PPP4R2: variants seen among roughly 807,000 people sequenced by gnomAD.
The protein encoded by PPP4R2 is serine/threonine-protein phosphatase 4 regulatory subunit 2.
PPP4R2 carries 13 observed loss-of-function variants against 47.2 expected under a neutral mutation model. The ratio of observed to expected loss-of-function variants is 0.28; its 90% CI spans 0.18 to 0.44. PPP4R2 has a LOEUF of 0.44. Ranked by LOEUF, PPP4R2 falls within the 20% of genes least tolerant of loss-of-function variation. The probability of loss-of-function intolerance (pLI) is 1.00; values close to 1 mark genes in which losing one functional copy is unlikely to be tolerated. For missense variants in PPP4R2, 421 were observed against 491.2 expected (o/e 0.86, Z 1.35); for synonymous variants, 151 against 163.3 (o/e 0.92, Z 0.57).
intron 2 of PPP4R2, among the ~76,000 whole-genome samples, chr3:73,022,499 TGA>T (rs1701980616): frequency 6.6e-6 from 1 of 152,320 alleles, no homozygotes; most frequent in Admixed American, 6.5e-5. Context: ...GTTCATAATG[TGA>T]GAGAGCTTGG....
chr3:73,032,036 T>A (rs2130903), intron 2 of PPP4R2, among the ~76,000 whole-genome samples: 58,859 of 152,100 alleles, frequency 0.39, 11,800 homozygotes, highest in African/African-American at 0.44. Context: ...TGAGAAAGTG[T>A]TTGAAATACC....
In PPP4R2 at chr3:73,064,840, AAAC is replaced by A. The variant is rs1238790737; in HGVS notation, c.639-10_639-8del. On this transcript the variant is annotated splice_polypyrimidine_tract_variant and intron_variant, in intron 7 of 8. Coordinates refer to ENST00000356692, the MANE Select transcript of PPP4R2 (RefSeq NM_174907.4). Reference sequence around the variant, plus strand: ...TAATCTTATTAATGACACTTTAAAAAAACATTTACAGTGACTCTTCGACCTCTG... The same window carrying A: ...TAATCTTATTAATGACACTTTAAAAAATTTACAGTGACTCTTCGACCTCTG... The A allele has an allele frequency of 1.3e-6, 2 of 1,563,590 alleles. No homozygotes were observed. Among genetic ancestry groups the A allele is most frequent in the Non-Finnish European group, 1.7e-6 (2 of 1,159,714 alleles).
intron 2 of PPP4R2, among the ~76,000 whole-genome samples, chr3:73,017,839 T>A (rs1701872233): frequency 6.6e-6 from 1 of 152,084 alleles, no homozygotes; most frequent in Non-Finnish European, 1.5e-5. Flanking sequence ...CAATTCTCCC[T>A]GCTTCAGCCT....
intron 5 of PPP4R2, chr3:73,062,054 G>T: frequency 6.8e-7 from 1 of 1,471,282 alleles, no homozygotes; most frequent in South Asian, 1.3e-5. Context: ...TGGTAAAGAA[G>T]TGCAGAGTCA....
intron 2 of PPP4R2, among the ~76,000 whole-genome samples, chr3:72,998,688 A>G (rs1234859140): frequency 2.0e-5 from 3 of 152,192 alleles, no homozygotes; most frequent in Non-Finnish European, 2.9e-5. Flanking sequence ...AGACTTTCTA[A>G]GATAGCTGAC....
At position 73,065,745 on chromosome 3, in the gene PPP4R2, A is replaced by G. The variant is rs752608506; in HGVS notation, c.*23A>G. On this transcript the variant is annotated 3_prime_UTR_variant, in exon 9 of 9. Coordinates refer to ENST00000356692, the MANE Select transcript of PPP4R2 (RefSeq NM_174907.4). ...TAACTATTTAGAAACATTTAGATGC[A>G]GTATTTTACATACAGTTCTGGTTTT... is the stretch of plus-strand genomic sequence containing the variant. 3 of 1,504,382 alleles carry G rather than the reference A, an allele frequency of 2.0e-6. No individual in the cohort carries two copies. Among genetic ancestry groups the G allele is most frequent in the Non-Finnish European group, 1.8e-6 (2 of 1,104,190 alleles). The allele number at this position is 1,504,382 out of a possible 1,614,324, so 93.2% of individuals were successfully genotyped here. A position where few individuals can be genotyped will look rare whatever the true frequency, so the allele number is the denominator to read the frequency against.
At chr3:73,026,319 C>G (rs1216538139) in intron 2 of PPP4R2, among the ~76,000 whole-genome samples, 1 of 152,148 alleles carries the variant, frequency 6.6e-6, no homozygotes, top group African/African-American at 2.4e-5. Context: ...AAAGACCTTA[C>G]TTTTCCTTTG....
At chr3:73,023,691 T>C (rs922340554) in intron 2 of PPP4R2, among the ~76,000 whole-genome samples, 9 of 152,202 alleles carry the variant, frequency 5.9e-5, no homozygotes, top group Non-Finnish European at 8.8e-5. Flanking sequence ...CGATGTAATA[T>C]AGCATATTAA....
chr3:73,024,183 G>A (rs544628117), intron 2 of PPP4R2, among the ~76,000 whole-genome samples: 1 of 152,006 alleles, frequency 6.6e-6, no homozygotes, highest in Non-Finnish European at 1.5e-5. Flanking sequence ...CAGTGTTTGG[G>A]TCTGATGCAG....
chr3:72,997,360 G>A (rs1369787595), intron 1 of PPP4R2: 2 of 329,128 alleles, frequency 6.1e-6, no homozygotes, highest in Non-Finnish European at 1.1e-5. Flanking sequence ...GACGAGTGGC[G>A]GACCCGCAGA....
exon 1 of PPP4R2, chr3:72,996,787 GGAGCGTGCGCGCGGTGACGTACCGGGCGC>G: frequency 2.8e-6 from 1 of 362,118 alleles, no homozygotes. Context: ...ACGGCGGCAG[GGAGCGTGCGCGCGGTGACGTACCGGGCGC>G]CATGTTGGAG....
At chr3:73,030,062 T>G (rs1702139780) in intron 2 of PPP4R2, among the ~76,000 whole-genome samples, 1 of 152,184 alleles carries the variant, frequency 6.6e-6, no homozygotes, top group Non-Finnish European at 1.5e-5. Flanking sequence ...AGCAAATTTT[T>G]AAATGGTATT....
intron 2 of PPP4R2, among the ~76,000 whole-genome samples, chr3:73,005,856 T>C (rs889687105): frequency 8.7e-6 from 1 of 114,404 alleles, no homozygotes; most frequent in African/African-American, 3.1e-5. Flanking sequence ...ATCAGTGTTA[T>C]TGAGGTATAA....
chr3:73,049,715 C>G (rs1702570410), intron 3 of PPP4R2, among the ~76,000 whole-genome samples: 1 of 150,730 alleles, frequency 6.6e-6, no homozygotes, highest in South Asian at 2.1e-4. Context: ...AGTTCATTCA[C>G]ATTAAGTTGG....
At chr3:73,030,332 A>G (rs1559556272) in intron 2 of PPP4R2, among the ~76,000 whole-genome samples, 1 of 152,182 alleles carries the variant, frequency 6.6e-6, no homozygotes, top group African/African-American at 2.4e-5. Context: ...CATGTACATG[A>G]CAGTAGGTAA....
At chr3:73,017,766 G>A (rs1310532010) in intron 2 of PPP4R2, among the ~76,000 whole-genome samples, 2 of 151,270 alleles carry the variant, frequency 1.3e-5, no homozygotes, top group African/African-American at 2.4e-5. Flanking sequence ...TTGCTCTGTC[G>A]CCCAGGCTGG....
rs1575894826 is a variant in PPP4R2 at position 73,064,775 on chromosome 3, T to G, written c.639-77T>G. The G allele has an allele frequency of 2.4e-6, 3 of 1,257,182 alleles. No individual in the cohort carries two copies. In the East Asian group the frequency reaches 7.0e-5, roughly 29 times the overall value. 77.9% of individuals were successfully genotyped at this position (1,257,182 alleles called of 1,614,324 possible). A position where few individuals can be genotyped will look rare whatever the true frequency, so the allele number is the denominator to read the frequency against. On this transcript the variant is annotated intron_variant, in intron 7 of 8. Transcript: ENST00000356692. ...GACACTGAAATACAATTTAAAACAT[T>G]ATTTAACCTTAAAAATGGGGATGTA...
intron 2 of PPP4R2, among the ~76,000 whole-genome samples, chr3:73,024,776 CA>C (rs1349742447): frequency 6.6e-6 from 1 of 152,034 alleles, no homozygotes; most frequent in African/African-American, 2.4e-5. Flanking sequence ...TTGAAAGCAT[CA>C]AATTCATTTA....
intron 2 of PPP4R2, among the ~76,000 whole-genome samples, chr3:73,036,289 A>G (rs1162505216): frequency 2.6e-5 from 4 of 152,222 alleles, no homozygotes; most frequent in East Asian, 1.9e-4. Flanking sequence ...TACTGGGTAC[A>G]AAAGTACAGT....
Sources: allele counts gnomAD v4.1 joint callset (sites outside exome capture counted in the v4.1 genomes callset), GRCh38; gene constraint gnomAD v4.1.1; transcripts MANE v1.5; gene names NCBI Gene and HGNC (gene_info 2026-07-23, HGNC 2026-07-21).